EPHA5: variants seen among roughly 807,000 people sequenced by gnomAD.
EPHA5 encodes the protein ephrin type-A receptor 5.
In EPHA5, 60 loss-of-function variants were observed where a neutral mutation model predicts 105.0. That is an observed-to-expected ratio of 0.57 (90% CI 0.46 to 0.71). The LOEUF is 0.71. Among genes scored for constraint, EPHA5 ranks in the 30% least tolerant of loss-of-function variants. The pLI is 0.00. For synonymous variants in EPHA5, 513 were observed against 449.1 expected (o/e 1.14, Z -1.80); for missense variants, 1,218 against 1,274.7 (o/e 0.96, Z 0.68).
At chr4:65,470,460 G>T (rs1729176684) in intron 5 of EPHA5, among the ~76,000 whole-genome samples, 1 of 152,036 alleles carries the variant, frequency 6.6e-6, no homozygotes, top group African/African-American at 2.4e-5. Flanking sequence ...CCAAAGTACT[G>T]GCATTACACG....
At chr4:65,559,169 T>G (rs1008105915) in intron 3 of EPHA5, among the ~76,000 whole-genome samples, 1 of 152,142 alleles carries the variant, frequency 6.6e-6, no homozygotes, top group African/African-American at 2.4e-5. Context: ...TGTGGTAAAT[T>G]TCCCTATTTA....
chr4:65,352,296 G>A (rs1424211103), intron 12 of EPHA5, among the ~76,000 whole-genome samples: 2 of 151,882 alleles, frequency 1.3e-5, no homozygotes, highest in African/African-American at 2.4e-5. Context: ...TCATTGCATA[G>A]GTCCCTCTTA....
intron 16 of EPHA5, chr4:65,330,766 G>T (rs1457334426): frequency 9.8e-7 from 1 of 1,022,480 alleles, no homozygotes; most frequent in Admixed American, 5.8e-5. Context: ...TAGCACAAAT[G>T]GGTTCCTTGA....
rs1257531096 is a variant in EPHA5 at position 65,353,062 on chromosome 4, A to T, written c.2215T>A (p.Ser739Thr). ...MIVTEYMENG[S>T]LDTFLKKNDG... The stretch of plus-strand genomic sequence containing the variant: ...CCTACCTTCAAAAATGTATCTAAAG[A>T]GCCATTCTCCATATACTCTGTCACG... Residue 739 changes from serine (S) to threonine (T), a missense_variant, in exon 12 of 17, where the codon TCT becomes ACT. By Grantham distance (58) the Ser-to-Thr change is moderately conservative (BLOSUM62 1). Transcript: ENST00000613740. 1.3e-6 allele frequency: 2 copies of T among 1,563,278 alleles called. No individual in the cohort carries two copies. The highest frequency in any genetic ancestry group is 1.7e-4 in the Middle Eastern group (1 of 5,938).
At chr4:65,522,316 G>GTATATATATATATATATATATACATA (rs58851174) in intron 3 of EPHA5, among the ~76,000 whole-genome samples, 1,836 of 142,746 alleles carry the variant, frequency 0.013, 56 homozygotes, top group African/African-American at 0.046. Flanking sequence ...ATATATATAT[G>GTATATATATATATATATATATACATA]TATATATATA....
intron 3 of EPHA5, 81 bp downstream of exon 3, chr4:65,601,560 C>A: frequency 7.6e-7 from 1 of 1,316,696 alleles, no homozygotes; most frequent in Non-Finnish European, 1.0e-6. Context: ...AAGGTCATTT[C>A]CTCATAATCA....
intron 16 of EPHA5, among the ~76,000 whole-genome samples, chr4:65,328,981 T>A (rs1331474095): frequency 6.6e-6 from 1 of 151,316 alleles, no homozygotes; most frequent in African/African-American, 2.4e-5. Context: ...CCTCTTCAGC[T>A]GACACACAAT....
chr4:65,602,585 A>C (rs1743846451), intron 2 of EPHA5, among the ~76,000 whole-genome samples: 1 of 152,188 alleles, frequency 6.6e-6, no homozygotes, highest in Non-Finnish European at 1.5e-5. Flanking sequence ...GCAGGAAGGA[A>C]CCATGCATTT....
rs200980371 is a variant in EPHA5, at chr4:65,366,003, T to C, written c.1916A>G (p.Asn639Ser). 3 of 1,608,996 alleles carry C rather than the reference T, an allele frequency of 1.9e-6. No individual in the cohort carries two copies. The highest frequency in any genetic ancestry group is 2.7e-5 in the African/African-American group (2 of 74,896). Residue 639 changes from asparagine to serine, a missense_variant, in exon 10 of 17, where the codon AAT becomes AGT. Coordinates refer to ENST00000613740, the MANE Select transcript of EPHA5 (RefSeq NM_001281766.3). Reference sequence around the variant, plus strand: ...CTTAGCAAATTCGTGGACAGCTTGATTGGGATCCTCATAGGTATGTGGATC... The same window carrying C: ...CTTAGCAAATTCGTGGACAGCTTGACTGGGATCCTCATAGGTATGTGGATC... ...YIDPHTYEDP[N>S]QAVHEFAKEI...
chr4:65,595,366 A>T (rs1341818347), intron 3 of EPHA5, among the ~76,000 whole-genome samples: 3 of 152,056 alleles, frequency 2.0e-5, no homozygotes, highest in Non-Finnish European at 4.4e-5. Context: ...GTCTAACGAG[A>T]TAGCAAATTT....
chr4:65,324,045 TAAAATAAA>T lies in EPHA5; in HGVS notation c.*61_*68del. Reference sequence around the variant, plus strand: ...TTTTCCCTTTTCCCCCTTTTTTTGTTAAAATAAATCTCAGTGCTGTTTACAAAGTGCAG... The same window carrying T: ...TTTTCCCTTTTCCCCCTTTTTTTGTTTCTCAGTGCTGTTTACAAAGTGCAG... On this transcript the variant is annotated 3_prime_UTR_variant, in exon 17 of 17. Transcript: ENST00000613740. The T allele has an allele frequency of 1.9e-6, 2 of 1,038,526 alleles. No homozygotes were observed. The highest frequency in any genetic ancestry group is 2.1e-5 in the Admixed American group (1 of 47,910). 64.3% of individuals were successfully genotyped at this position (1,038,526 alleles called of 1,614,324 possible).
chr4:65,453,981 C>T (rs1727319992), intron 5 of EPHA5, among the ~76,000 whole-genome samples: 1 of 151,908 alleles, frequency 6.6e-6, no homozygotes, highest in South Asian at 2.1e-4. Flanking sequence ...TTTGCTGCCA[C>T]TAATAATATG....
intron 14 of EPHA5, among the ~76,000 whole-genome samples, chr4:65,345,069 T>C (rs984779674): frequency 2.0e-5 from 3 of 152,284 alleles, no homozygotes; most frequent in Middle Eastern, 3.4e-3. Context: ...GTAACAATAA[T>C]AGCATCCCTC....
At chr4:65,558,210 A>G (rs1055418150) in intron 3 of EPHA5, among the ~76,000 whole-genome samples, 2 of 152,080 alleles carry the variant, frequency 1.3e-5, no homozygotes, top group Non-Finnish European at 2.9e-5. Flanking sequence ...CAGAAAATTT[A>G]TTTCCATATT....
intron 16 of EPHA5, chr4:65,331,731 G>T: frequency 8.3e-7 from 1 of 1,206,100 alleles, no homozygotes; most frequent in African/African-American, 1.6e-5. Context: ...CCAAGGAGCT[G>T]TTATTCCAAT....
chr4:65,324,001 T>C lies in EPHA5; in HGVS notation c.*113A>G, dbSNP rs1198082231. On this transcript the variant is annotated 3_prime_UTR_variant, in exon 17 of 17. Coordinates refer to ENST00000613740, the MANE Select transcript of EPHA5 (RefSeq NM_001281766.3). ...TTCTGTGGCTGAGGCAAATGTTTTC[T>C]AAGGTTTAGAAATCACTGTTTTCCC... 1 of 680,702 alleles carries C rather than the reference T, an allele frequency of 1.5e-6. No individual in the cohort carries two copies. The highest frequency in any genetic ancestry group is 1.8e-5 in the African/African-American group (1 of 54,134). The allele number at this position is 680,702 out of a possible 1,614,324, so 42.2% of individuals were successfully genotyped here.
intron 3 of EPHA5, among the ~76,000 whole-genome samples, chr4:65,586,981 T>C (rs1742183640): frequency 6.6e-6 from 1 of 152,168 alleles, no homozygotes. Flanking sequence ...GAAGTAGCAA[T>C]TATTTTAATT....
At chr4:65,529,022 G>T (rs553196044) in intron 3 of EPHA5, among the ~76,000 whole-genome samples, 2 of 152,202 alleles carry the variant, frequency 1.3e-5, no homozygotes, top group South Asian at 2.1e-4. Flanking sequence ...TTATTTCTGA[G>T]GTTTTAGAGT....
rs190874842 is a variant in EPHA5 at position 65,361,660 on chromosome 4, A to G, written c.2173+3357T>C. Among the ~76,000 whole-genome samples, 303 of 151,882 alleles carry G rather than the reference A, an allele frequency of 2.0e-3. 1 individual carries two copies. The highest frequency in any genetic ancestry group is 3.3e-3 in the South Asian group (16 of 4,826). Reference sequence around the variant, plus strand: ...TAATTATAAATTTACAAAGTAAGTCAAAACTGTCTAGCAGTTTAGGTAATC... The same window carrying G: ...TAATTATAAATTTACAAAGTAAGTCGAAACTGTCTAGCAGTTTAGGTAATC... On this transcript the variant is annotated intron_variant, in intron 11 of 16. Transcript: ENST00000613740.
Sources: gnomAD v4.1 joint callset for allele counts (sites outside exome capture counted in the v4.1 genomes callset) on GRCh38, gnomAD v4.1.1 for gene constraint, MANE v1.5 for transcripts, NCBI Gene and HGNC (gene_info 2026-07-23, HGNC 2026-07-21) for gene names.